The following TMEM63A variants were observed in gnomAD, a reference collection of about 807,000 sequenced individuals.
TMEM63A encodes the protein transmembrane protein 63A, also known as mechanosensitive cation channel TMEM63A.
In TMEM63A, 76 loss-of-function variants were observed where a neutral mutation model predicts 100.6. The ratio of observed to expected loss-of-function variants is 0.76; its 90% CI spans 0.63 to 0.91. TMEM63A has a LOEUF of 0.91. Among genes scored for constraint, TMEM63A ranks in the 40% least tolerant of loss-of-function variants. The pLI is 0.00. For missense variants in TMEM63A, 876 were observed against 1,008.8 expected (o/e 0.87, Z 1.78); for synonymous variants, 401 against 401.1 (o/e 1.00, Z 0.00).
downstream of TMEM63A, among the ~76,000 whole-genome samples, chr1:225,841,601 C>CTTTT (rs35827447): frequency 9.6e-6 from 1 of 104,430 alleles, no homozygotes; most frequent in Admixed American, 1.1e-4. Flanking sequence ...CTGTCCCAGC[C>CTTTT]TTTTTTTTTT....
chr1:225,850,933 G>A (rs932293050), intron 20 of TMEM63A, among the ~76,000 whole-genome samples: 14 of 152,012 alleles, frequency 9.2e-5, no homozygotes, highest in Non-Finnish European at 1.0e-4. Context: ...GGATGGTCTC[G>A]ATCTCCTGAC....
downstream of TMEM63A, among the ~76,000 whole-genome samples, chr1:225,842,071 A>T (rs569591334): frequency 1.7e-4 from 26 of 152,324 alleles, no homozygotes; most frequent in African/African-American, 5.5e-4. Flanking sequence ...TCTCATTGGG[A>T]CCCCACCAAA....
Position 225,871,246 on chromosome 1 carries a change from A to G in TMEM63A, c.334-133T>C, listed in dbSNP as rs991265002. 1.1e-5 allele frequency: 9 copies of G among 844,636 alleles called. No individual in the cohort carries two copies. In the African/African-American group the frequency reaches 1.4e-4, roughly 13 times the overall value. 52.3% of individuals were successfully genotyped at this position (844,636 alleles called of 1,614,324 possible). A position where few individuals can be genotyped will look rare whatever the true frequency, so the allele number is the denominator to read the frequency against. ...AAAACAGTGCTTTTATCCCATATTC[A>G]GCAAGCATGAGCCCAGTACTTCACA... On this transcript the variant is annotated intron_variant, in intron 5 of 24. Transcript: ENST00000366835.
At chr1:225,869,667 T>TTTTCTTTTCTTTTC (rs1553492496) in intron 6 of TMEM63A, among the ~76,000 whole-genome samples, 2 of 2,624 alleles carry the variant, frequency 7.6e-4, no homozygotes, top group African/African-American at 9.7e-4. Context: ...TTTTCTTTTC[T>TTTTCTTTTCTTTTC]TTTTTTTTTT....
chr1:225,878,514 C>A (rs572096294), intron 2 of TMEM63A, among the ~76,000 whole-genome samples: 11 of 152,184 alleles, frequency 7.2e-5, no homozygotes, highest in Non-Finnish European at 1.5e-4. Flanking sequence ...CTTCCTGAGG[C>A]TCCTGGCGCC....
chr1:225,863,674 C>T (rs1276441467), intron 10 of TMEM63A, among the ~76,000 whole-genome samples: 3 of 152,060 alleles, frequency 2.0e-5, no homozygotes, highest in South Asian at 2.1e-4. Context: ...CCCAGCACTT[C>T]GGGAGGCTGA....
At position 225,859,257 on chromosome 1, in the gene TMEM63A, G is replaced by C. The variant is rs1208380892; in HGVS notation, c.1316C>G (p.Pro439Arg). 6.2e-7 allele frequency: 1 copy of C among 1,613,970 alleles called. No individual in the cohort carries two copies. The highest frequency in any genetic ancestry group is 8.5e-7 in the Non-Finnish European group (1 of 1,180,036). ...LFLGLFFLTT[P>R]SIILSTMDKF... Reference sequence around the variant, plus strand: ...GTCCATGGTGGACAGGATGATGGAGGGTGTGGTCAGGAAAAATAGCCCCAG... The same window carrying C: ...GTCCATGGTGGACAGGATGATGGAGCGTGTGGTCAGGAAAAATAGCCCCAG... The change falls in exon 15 of 25, where the codon CCC becomes CGC. Residue 439 changes from proline (P) to arginine (R), a missense_variant. This residue lies in a region of TMEM63A where 487 missense variants were observed against 581.9 expected (regional missense o/e 0.84). Coordinates refer to ENST00000366835, the MANE Select transcript of TMEM63A (RefSeq NM_014698.3).
At chr1:225,881,769 C>G (rs3766939) in intron 1 of TMEM63A, among the ~76,000 whole-genome samples, 1 of 152,052 alleles carries the variant, frequency 6.6e-6, no homozygotes. Flanking sequence ...GGTTTCTTAG[C>G]AGAGCTCGCC....
At chr1:225,875,453 T>C (rs1476713390) in intron 3 of TMEM63A, among the ~76,000 whole-genome samples, 1 of 152,162 alleles carries the variant, frequency 6.6e-6, no homozygotes, top group Non-Finnish European at 1.5e-5. Flanking sequence ...CCCTGCCTGC[T>C]CTGATCAGAA....
chr1:225,856,327 GT>G (rs71574544), intron 17 of TMEM63A, among the ~76,000 whole-genome samples: 4,249 of 107,962 alleles, frequency 0.039, 73 homozygotes, highest in East Asian at 0.14. Flanking sequence ...TTTCAAGCTG[GT>G]TTTTTTTTTT....
At chr1:225,874,518 C>G in intron 3 of TMEM63A, 151 bp from the exon 4 acceptor site, 1 of 643,278 alleles carries the variant, frequency 1.6e-6, no homozygotes, top group Non-Finnish European at 2.7e-6. Context: ...GTGCCCAAGG[C>G]CATGCAGCTC....
At chr1:225,852,418 G>A (rs3766935) in intron 20 of TMEM63A, among the ~76,000 whole-genome samples, 6,241 of 152,264 alleles carry the variant, frequency 0.041, 199 homozygotes, top group East Asian at 0.15. Flanking sequence ...CCCAGGAGGT[G>A]GGGGTTGCAG....
At chr1:225,879,727 T>A (rs945567652) in intron 1 of TMEM63A, among the ~76,000 whole-genome samples, 124 of 152,224 alleles carry the variant, frequency 8.1e-4, no homozygotes, top group African/African-American at 2.9e-3. Context: ...ACAGAAACCC[T>A]GGAGGTTGTG....
rs1670979598 is a variant in TMEM63A, at chr1:225,879,421, A to G, written c.-205-11T>C. ...AAACTGTAGACTTTCCTGAAGGATC[A>G]CAGACACCAAGCATCACATGGGAGC... On this transcript the variant is annotated splice_polypyrimidine_tract_variant and intron_variant, in intron 1 of 24. Transcript: ENST00000366835. 6.6e-6 allele frequency: 1 copy of G among 152,522 alleles called. No individual in the cohort carries two copies. The highest frequency in any genetic ancestry group is 1.5e-5 in the Non-Finnish European group (1 of 68,276). The allele number at this position is 152,522 out of a possible 1,614,324, so 9.4% of individuals were successfully genotyped here. A position where few individuals can be genotyped will look rare whatever the true frequency, so the allele number is the denominator to read the frequency against.
At chr1:225,841,587 C>CCCACTGTCCCAGCCTTTTTTTTTT (rs1668419730), downstream of TMEM63A, among the ~76,000 whole-genome samples, 1 of 144,342 alleles carries the variant, frequency 6.9e-6, no homozygotes, top group Non-Finnish European at 1.5e-5. Flanking sequence ...CCCAGCCTGT[C>CCCACTGTCCCAGCCTTTTTTTTTT]CCACTGTCCC....
downstream of TMEM63A, chr1:225,845,391 C>T (rs768322107): frequency 2.6e-6 from 4 of 1,534,598 alleles, no homozygotes; most frequent in African/African-American, 5.5e-5. Context: ...CACAAGTGCC[C>T]TCCAGGCTTT....
At position 225,866,648 on chromosome 1, in the gene TMEM63A, C is replaced by G. The variant is rs1670229007; in HGVS notation, c.601G>C (p.Val201Leu). The change falls in exon 9 of 25, where the codon GTC becomes CTC. Residue 201 changes from valine (V) to leucine (L), a missense_variant. By Grantham distance (32) the Val-to-Leu change is conservative. Around this residue, in one of 5 missense-constraint regions of TMEM63A, gnomAD observed 487 missense variants for 581.9 expected, o/e 0.84. Coordinates refer to ENST00000366835, the MANE Select transcript of TMEM63A (RefSeq NM_014698.3). The stretch of plus-strand genomic sequence containing the variant: ...CCCACAGTGAGGAAGAGGTAAATGA[C>G]AGCAAAGATGGTGTGCAGCCAAAGG... ...DLLWLHTIFA[V>L]IYLFLTVGFM... is the part of the protein sequence containing the mutation. 2 of 1,614,140 alleles carry G rather than the reference C, an allele frequency of 1.2e-6. No homozygotes were observed. Among genetic ancestry groups the G allele is most frequent in the African/African-American group, 2.7e-5 (2 of 75,052 alleles).
In TMEM63A at chr1:225,876,310, C is replaced by T. The variant is rs576427892; in HGVS notation, c.186+1085G>A. On this transcript the variant is annotated intron_variant, in intron 3 of 24. Coordinates refer to ENST00000366835, the MANE Select transcript of TMEM63A (RefSeq NM_014698.3). Reference sequence around the variant, plus strand: ...CACCCCCACACCCCTGCCCACTCCTCCTTGCTACCCTAAGCCACCCTCCCC... The same window carrying T: ...CACCCCCACACCCCTGCCCACTCCTTCTTGCTACCCTAAGCCACCCTCCCC... Among the ~76,000 whole-genome samples the T allele has an allele frequency of 4.6e-3, 702 of 151,892 alleles. 3 individuals carry two copies. The highest frequency in any genetic ancestry group is 8.0e-3 in the Non-Finnish European group (543 of 67,978).
At chr1:225,875,796 G>T (rs1323515965) in intron 3 of TMEM63A, among the ~76,000 whole-genome samples, 1 of 151,652 alleles carries the variant, frequency 6.6e-6, no homozygotes. Context: ...GGGCACCATG[G>T]CTCACTCCTG....
Sources: gnomAD v4.1 joint callset for allele counts (sites outside exome capture counted in the v4.1 genomes callset) on GRCh38, gnomAD v4.1.1 for gene constraint, gnomAD v4.1.1 regional missense constraint, MANE v1.5 for transcripts, NCBI Gene and HGNC (gene_info 2026-07-23, HGNC 2026-07-21) for gene names.